The following SEC24A variants were observed in gnomAD, a reference collection of about 807,000 sequenced individuals.
SEC24A encodes protein transport protein Sec24A.
SEC24A carries 93 observed loss-of-function variants against 129.4 expected under a neutral mutation model. The ratio of observed to expected loss-of-function variants is 0.72; its 90% confidence interval spans 0.61 to 0.85. The LOEUF (loss-of-function observed/expected upper bound fraction) is 0.85, where lower values mean the gene tolerates loss of function less well. Ranked by LOEUF, SEC24A falls within the 40% of genes least tolerant of loss-of-function variation. SEC24A has a pLI of 0.00. For missense variants in SEC24A, 1,264 were observed against 1,307.4 expected, an observed-to-expected ratio of 0.97 and a Z score of 0.51; for synonymous variants, 460 against 467.3, an observed-to-expected ratio of 0.98 and a Z score of 0.20.
chr5:134,648,556 A>G (rs1412389672), upstream of SEC24A: 2 of 152,702 alleles, frequency 1.3e-5, no homozygotes, highest in East Asian at 3.9e-4. Flanking sequence ...CAACGGCGGG[A>G]ATTTCCGTAG....
chr5:134,692,975 C>A, intron 12 of SEC24A: 2 of 1,400,712 alleles, frequency 1.4e-6, no homozygotes, highest in Non-Finnish European at 2.0e-6. Context: ...CTGGTCACTA[C>A]ATAGAAGCAC....
chr5:134,723,099 A>G (rs1435711840), intron 21 of SEC24A, among the ~76,000 whole-genome samples: 4 of 152,206 alleles, frequency 2.6e-5, no homozygotes, highest in Non-Finnish European at 5.9e-5. Context: ...TGGAGGTTAC[A>G]GTGAGCCATG....
At chr5:134,657,403 A>G (rs1266923994) in intron 1 of SEC24A, among the ~76,000 whole-genome samples, 1 of 151,992 alleles carries the variant, frequency 6.6e-6, no homozygotes. Flanking sequence ...GCCATCCACC[A>G]GGTTGCTCAG....
rs1752791734 is a variant in SEC24A, at chr5:134,727,838, A to G, written c.*2744A>G. 1 of 152,490 alleles carries G rather than the reference A, an allele frequency of 6.6e-6. No individual in the cohort carries two copies. Among genetic ancestry groups the G allele is most frequent in the East Asian group, 1.9e-4 (1 of 5,196 alleles). 9.4% of individuals were successfully genotyped at this position (152,490 alleles called of 1,614,324 possible). ...AAAAAAAAAAAGTCATTTGTAACCC[A>G]TGCAGACCATTGTTTGATCTATGCT... is the stretch of plus-strand genomic sequence containing the variant. On this transcript the variant is annotated 3_prime_UTR_variant, in exon 23 of 23. Transcript: ENST00000398844.
intron 6 of SEC24A, among the ~76,000 whole-genome samples, 170 bp downstream of exon 6, chr5:134,675,387 A>G (rs776772434): frequency 2.6e-5 from 4 of 152,192 alleles, no homozygotes; most frequent in African/African-American, 4.8e-5. Context: ...GAAAAGTCCT[A>G]CGTCAAGAAA....
At chr5:134,724,226 G>A (rs1752701348) in intron 22 of SEC24A, among the ~76,000 whole-genome samples, 1 of 152,136 alleles carries the variant, frequency 6.6e-6, no homozygotes, top group East Asian at 1.9e-4. Context: ...ATCGTGTGGT[G>A]TTTGTCTCTC....
intron 19 of SEC24A, among the ~76,000 whole-genome samples, chr5:134,717,591 G>A (rs761159901): frequency 3.3e-5 from 5 of 152,070 alleles, no homozygotes; most frequent in Non-Finnish European, 7.4e-5. Flanking sequence ...AGTTAGATAA[G>A]TGATAACTAT....
rs1304036625 is a variant in SEC24A, at chr5:134,727,387, C to G, written c.*2293C>G. 2 of 152,446 alleles carry G rather than the reference C, an allele frequency of 1.3e-5. No individual in the cohort carries two copies. The highest frequency in any genetic ancestry group is 6.6e-5 in the Admixed American group (1 of 15,256). The allele number at this position is 152,446 out of a possible 1,614,324, so 9.4% of individuals were successfully genotyped here. A position where few individuals can be genotyped will look rare whatever the true frequency, so the allele number is the denominator to read the frequency against. On this transcript the variant is annotated 3_prime_UTR_variant, in exon 23 of 23. Transcript: ENST00000398844. ...AAAAAGTACTCTATTTTTCTAATTT[C>G]TAGGATTTTTAAAATAACATTTCTG... is the stretch of plus-strand genomic sequence containing the variant.
chr5:134,686,985 G>T (rs1046544745), intron 10 of SEC24A, 83 bp downstream of exon 10: 1 of 756,050 alleles, frequency 1.3e-6, no homozygotes. Context: ...AAAAATAAAA[G>T]CTGTATAATT....
At chr5:134,667,723 C>T (rs1580690960) in intron 3 of SEC24A, among the ~76,000 whole-genome samples, 1 of 140,128 alleles carries the variant, frequency 7.1e-6, no homozygotes, top group Non-Finnish European at 1.5e-5. Context: ...TAAATGTTAA[C>T]ACATACTTAT....
chr5:134,680,113 C>A (rs1395223307), intron 8 of SEC24A, among the ~76,000 whole-genome samples: 1 of 152,042 alleles, frequency 6.6e-6, no homozygotes, highest in African/African-American at 2.4e-5. Context: ...TCATTCACTG[C>A]TGAATGAAGG....
chr5:134,671,107 C>T (rs186098955), intron 3 of SEC24A, among the ~76,000 whole-genome samples: 196 of 152,140 alleles, frequency 1.3e-3, no homozygotes, highest in Middle Eastern at 6.8e-3. Flanking sequence ...TGCAGTGGCA[C>T]GATTTTGGCT....
At chr5:134,679,173 C>G (rs1561813213) in intron 7 of SEC24A, among the ~76,000 whole-genome samples, 1 of 152,058 alleles carries the variant, frequency 6.6e-6, no homozygotes, top group Non-Finnish European at 1.5e-5. Flanking sequence ...GCCTTGACCT[C>G]CCAGGCTCAA....
chr5:134,697,868 A>G (rs1751874909), intron 14 of SEC24A, 31 bp from the exon 15 acceptor site: 1 of 1,575,276 alleles, frequency 6.3e-7, no homozygotes, highest in South Asian at 1.2e-5. Flanking sequence ...AGTTAACGGC[A>G]CAGTTTAAAA....
chr5:134,688,298 A>G lies in SEC24A; in HGVS notation c.1722A>G (p.Glu574=). The change falls in exon 11 of 23, where the codon GAA becomes GAG. Residue 574 remains glutamate, a splice_region_variant and synonymous_variant. Transcript: ENST00000398844. ...AGATGCTAATAGTTTCAGATATTGAAGGTATAGATTTATTGAACTACTTTC... is the reference window on the plus strand; with the variant it reads ...AGATGCTAATAGTTTCAGATATTGAGGGTATAGATTTATTGAACTACTTTC... The part of the protein sequence containing the change: ...QPQMLIVSDI[E]DVFIPMPENL... 6.6e-7 allele frequency: 1 copy of G among 1,513,244 alleles called. No homozygotes were observed. Among genetic ancestry groups the G allele is most frequent in the Non-Finnish European group, 9.2e-7 (1 of 1,090,454 alleles). 93.7% of individuals were successfully genotyped at this position (1,513,244 alleles called of 1,614,324 possible). A position where few individuals can be genotyped will look rare whatever the true frequency, so the allele number is the denominator to read the frequency against.
Position 134,693,234 on chromosome 5 carries a change from G to A in SEC24A, c.1780-493G>A, listed in dbSNP as rs779783400. On this transcript the variant is annotated intron_variant, in intron 12 of 22. Transcript: ENST00000398844. ...AATGGTGACTGTGCCATAGTGCGAA[G>A]TATTTTTTTCCCCATTAACTCTATT... The A allele has an allele frequency of 2.3e-4, 341 of 1,477,264 alleles. 1 individual carries two copies. The highest frequency in any genetic ancestry group is 2.8e-4 in the Non-Finnish European group (312 of 1,117,060). 91.5% of individuals were successfully genotyped at this position (1,477,264 alleles called of 1,614,324 possible). A position where few individuals can be genotyped will look rare whatever the true frequency, so the allele number is the denominator to read the frequency against.
intron 11 of SEC24A, among the ~76,000 whole-genome samples, chr5:134,691,285 C>T (rs1478060363): frequency 6.6e-6 from 1 of 150,678 alleles, no homozygotes; most frequent in Non-Finnish European, 1.5e-5. Flanking sequence ...CAATTCTCTG[C>T]CTCAGCCTCC....
chr5:134,678,467 T>C (rs911890821), intron 7 of SEC24A, among the ~76,000 whole-genome samples: 1 of 151,540 alleles, frequency 6.6e-6, no homozygotes, highest in East Asian at 1.9e-4. Context: ...TAAAAACTCT[T>C]TTTTTTTGGT....
rs1429369613 is a variant in SEC24A, at chr5:134,699,301, C to CGTTTTTTTTTTTTTTTTTTTTTTTTT, written c.2266+1244_2266+1245insGTTTTTTTTTTTTTTTTTTTTTTTTT. Among the ~76,000 whole-genome samples the CGTTTTTTTTTTTTTTTTTTTTTTTTT allele has an allele frequency of 4.3e-4, 60 of 138,410 alleles. 1 individual carries two copies. Among genetic ancestry groups the CGTTTTTTTTTTTTTTTTTTTTTTTTT allele is most frequent in the African/African-American group, 1.5e-3 (56 of 36,248 alleles). 90.8% of individuals were successfully genotyped at this position (138,410 alleles called of 152,430 possible). The stretch of plus-strand genomic sequence containing the variant: ...ATAACATAAGCTTTACCATTTTATC[C>CGTTTTTTTTTTTTTTTTTTTTTTTTT]TTTTTTTTTTTTTGAGACGGACTGT... On this transcript the variant is annotated intron_variant, in intron 15 of 22. Transcript: ENST00000398844.
Sources: allele counts gnomAD v4.1 joint callset (sites outside exome capture counted in the v4.1 genomes callset), GRCh38; gene constraint gnomAD v4.1.1; transcripts MANE v1.5; gene names NCBI Gene and HGNC (gene_info 2026-07-23, HGNC 2026-07-21).